The following FKTN variants were observed in gnomAD, a reference collection of about 807,000 sequenced individuals.
FKTN encodes ribitol-5-phosphate transferase FKTN.
FKTN carries 47 observed loss-of-function variants against 58.6 expected under a neutral mutation model. The ratio of observed to expected loss-of-function variants is 0.80; its 90% confidence interval spans 0.63 to 1.02. The LOEUF is 1.02. Ranked by LOEUF, FKTN falls within the 50% of genes least tolerant of loss-of-function variation. FKTN has a pLI of 0.00. For synonymous variants in FKTN, 178 were observed against 191.9 expected (o/e 0.93, Z 0.60); for missense variants, 516 against 537.3 (o/e 0.96, Z 0.39).
At chr9:105,564,589 G>C (rs1487921324) in intron 1 of FKTN, among the ~76,000 whole-genome samples, 2 of 152,192 alleles carry the variant, frequency 1.3e-5, no homozygotes, top group African/African-American at 2.4e-5. Flanking sequence ...CAGAAGAGAA[G>C]TTTAGAGAAA....
chr9:105,568,294 G>T (rs1840069746), intron 1 of FKTN, among the ~76,000 whole-genome samples: 1 of 152,146 alleles, frequency 6.6e-6, no homozygotes. Context: ...TGACAAAAGG[G>T]AGCTAATTAA....
intron 1 of FKTN, among the ~76,000 whole-genome samples, chr9:105,566,835 A>T (rs565134467): frequency 2.0e-5 from 3 of 152,200 alleles, no homozygotes; most frequent in South Asian, 4.2e-4. Flanking sequence ...TGGCAGAGAC[A>T]TAACAAAAAA....
At chr9:105,582,991 G>A (rs1477070170) in intron 3 of FKTN, among the ~76,000 whole-genome samples, 2 of 152,192 alleles carry the variant, frequency 1.3e-5, no homozygotes, top group African/African-American at 4.8e-5. Context: ...AGGCTAGAAG[G>A]AATAATAGTG....
chr9:105,590,994 C>T (rs2132457595), intron 3 of FKTN, among the ~76,000 whole-genome samples: 1 of 152,150 alleles, frequency 6.6e-6, no homozygotes, highest in East Asian at 1.9e-4. Flanking sequence ...TTTTAAACAA[C>T]CAGATCTTAG....
intron 6 of FKTN, among the ~76,000 whole-genome samples, chr9:105,606,665 T>C (rs1379745829): frequency 6.9e-6 from 1 of 145,404 alleles, no homozygotes; most frequent in Admixed American, 7.1e-5. Flanking sequence ...ATGTTTATTC[T>C]TGCCTTCTTT....
At chr9:105,567,978 A>G (rs2131846220) in intron 1 of FKTN, among the ~76,000 whole-genome samples, 2 of 152,370 alleles carry the variant, frequency 1.3e-5, no homozygotes, top group South Asian at 4.1e-4. Context: ...AGCCCTCAGA[A>G]GTAATACCAC....
In FKTN at chr9:105,636,882, C is replaced by T. The variant is rs1834083022; in HGVS notation, c.*1618C>T. 1 of 1,111,916 alleles carries T rather than the reference C, an allele frequency of 9.0e-7. No homozygotes were observed. Among genetic ancestry groups the T allele is most frequent in the African/African-American group, 1.6e-5 (1 of 61,278 alleles). 68.9% of individuals were successfully genotyped at this position (1,111,916 alleles called of 1,614,324 possible). A position where few individuals can be genotyped will look rare whatever the true frequency, so the allele number is the denominator to read the frequency against. On this transcript the variant is annotated 3_prime_UTR_variant, in exon 11 of 11. Coordinates refer to ENST00000357998, the MANE Select transcript of FKTN (RefSeq NM_001079802.2). ...CCGGATTTGTAAAGCAACATGAAAA[C>T]CTTTGATAAATGATAACCAACAGTC... is the stretch of plus-strand genomic sequence containing the variant.
At chr9:105,609,688 G>T (rs1381584787) in intron 7 of FKTN, among the ~76,000 whole-genome samples, 2 of 152,124 alleles carry the variant, frequency 1.3e-5, no homozygotes, top group African/African-American at 2.4e-5. Flanking sequence ...TTTGGGGTTT[G>T]TCCGGGGGTT....
chr9:105,590,648 G>A (rs1486498366), intron 3 of FKTN, among the ~76,000 whole-genome samples: 2 of 152,172 alleles, frequency 1.3e-5, no homozygotes, highest in Non-Finnish European at 2.9e-5. Context: ...AATTGCAATG[G>A]CAAATTGCTG....
chr9:105,612,920 A>G (rs1830183587), intron 7 of FKTN, among the ~76,000 whole-genome samples: 2 of 152,062 alleles, frequency 1.3e-5, no homozygotes, highest in East Asian at 1.9e-4. Context: ...AGCCAAGATC[A>G]TGCCCCTAAA....
At chr9:105,602,675 C>G (rs945349681) in intron 5 of FKTN, among the ~76,000 whole-genome samples, 2 of 152,226 alleles carry the variant, frequency 1.3e-5, no homozygotes, top group Non-Finnish European at 2.9e-5. Context: ...CCTGCCTCAG[C>G]CTCCTGAGTA....
At chr9:105,569,647 T>A (rs1440487460) in intron 1 of FKTN, among the ~76,000 whole-genome samples, 1 of 152,200 alleles carries the variant, frequency 6.6e-6, no homozygotes, top group Non-Finnish European at 1.5e-5. Flanking sequence ...AGATCTCAGT[T>A]CATGCACTAG....
intron 3 of FKTN, among the ~76,000 whole-genome samples, chr9:105,586,950 G>C (rs1858744): frequency 0.11 from 16,370 of 152,156 alleles, 1,155 homozygotes; most frequent in Admixed American, 0.21. Context: ...TTGCCAATCA[G>C]GTCCTAAAAC....
chr9:105,596,026 A>G (rs758813130), intron 3 of FKTN, among the ~76,000 whole-genome samples: 7 of 152,314 alleles, frequency 4.6e-5, no homozygotes, highest in Admixed American at 6.5e-5. Context: ...AATATCTTTT[A>G]TAAAAACTTC....
chr9:105,583,801 T>C (rs1482265459), intron 3 of FKTN, among the ~76,000 whole-genome samples: 1 of 152,228 alleles, frequency 6.6e-6, no homozygotes, highest in Non-Finnish European at 1.5e-5. Flanking sequence ...ACTGTATTTT[T>C]GTCTATTTAA....
intron 8 of FKTN, among the ~76,000 whole-genome samples, chr9:105,617,258 T>C (rs752147921): frequency 4.6e-5 from 7 of 152,182 alleles, no homozygotes; most frequent in African/African-American, 1.7e-4. Context: ...TCCTTAATAA[T>C]ATTAAGGTAC....
chr9:105,611,031 T>TA (rs1260137589), intron 7 of FKTN, among the ~76,000 whole-genome samples: 1 of 152,152 alleles, frequency 6.6e-6, no homozygotes, highest in African/African-American at 2.4e-5. Context: ...GAAATACCTG[T>TA]ACACCTGGCC....
intron 3 of FKTN, among the ~76,000 whole-genome samples, chr9:105,581,112 A>G (rs542353204): frequency 4.6e-4 from 69 of 149,504 alleles, no homozygotes; most frequent in African/African-American, 1.7e-3. Flanking sequence ...TTTGGTTTGA[A>G]TGTCCTCCCG....
At chr9:105,614,274 C>T (rs901001843) in intron 7 of FKTN, among the ~76,000 whole-genome samples, 4 of 152,112 alleles carry the variant, frequency 2.6e-5, no homozygotes, top group Non-Finnish European at 5.9e-5. Flanking sequence ...TGACAATTTG[C>T]AAGACATTTT....
Sources: allele counts gnomAD v4.1 joint callset (sites outside exome capture counted in the v4.1 genomes callset), GRCh38; gene constraint gnomAD v4.1.1; transcripts MANE v1.5; gene names NCBI Gene and HGNC (gene_info 2026-07-23, HGNC 2026-07-21).